Variants in SHQ1 observed in about 807,000 individuals in gnomAD.
The protein encoded by SHQ1 is protein SHQ1 homolog.
SHQ1 carries 49 observed loss-of-function variants against 53.8 expected under a neutral mutation model. The ratio of observed to expected loss-of-function variants is 0.91; its 90% confidence interval spans 0.72 to 1.16. The LOEUF (loss-of-function observed/expected upper bound fraction) is 1.16, where lower values mean the gene tolerates loss of function less well. Ranked by LOEUF, SHQ1 falls within the 50% of genes most tolerant of loss-of-function variation. The pLI is 0.00. For missense variants in SHQ1, 738 were observed against 683.1 expected (o/e 1.08, Z -0.90); for synonymous variants, 243 against 251.0 (o/e 0.97, Z 0.30).
At position 72,824,444 on chromosome 3, in the gene SHQ1, T is replaced by TGTTC. The variant is rs774222315; in HGVS notation, c.703_706dup (p.Gln236ArgfsTer13). ...CTTACCTAATGTAGCATGATTTTCT[T>TGTTC]GTTCCTGACTCTTTTCCAAAAAGGC... is the stretch of plus-strand genomic sequence containing the variant. On this transcript the variant is annotated frameshift_variant, in exon 6 of 11. Coordinates refer to ENST00000325599, the MANE Select transcript of SHQ1 (RefSeq NM_018130.3). LOFTEE classifies it high-confidence loss of function. 7 of 1,611,466 alleles carry TGTTC rather than the reference T, an allele frequency of 4.3e-6. No individual in the cohort carries two copies. The Admixed American group carries it at 6.7e-5, about 15-fold the overall frequency.
At chr3:72,753,295 G>A (rs1293204650) in intron 10 of SHQ1, 1 of 985,420 alleles carries the variant, frequency 1.0e-6, no homozygotes, top group Non-Finnish European at 1.2e-6. Flanking sequence ...AAATTCATTT[G>A]TAAAAGTATA....
At chr3:72,742,880 C>T in the SHQ1 span, among the ~76,000 whole-genome samples, 1 of 152,174 alleles carries the variant, frequency 6.6e-6, no homozygotes, top group Non-Finnish European at 1.5e-5. Flanking sequence ...CTTCGATCCA[C>T]CTGCCTCGGC....
intron 10 of SHQ1, among the ~76,000 whole-genome samples, chr3:72,758,574 T>C (rs914306468): frequency 6.8e-6 from 1 of 147,280 alleles, no homozygotes; most frequent in Non-Finnish European, 1.5e-5. Flanking sequence ...TTTCTTTTTT[T>C]TTTTTTTTTT....
At chr3:72,847,333 C>G (rs6419778) in intron 1 of SHQ1, among the ~76,000 whole-genome samples, 75,729 of 151,904 alleles carry the variant, frequency 0.5, 20,865 homozygotes, top group African/African-American at 0.72. Flanking sequence ...AGCTACACTT[C>G]AGAAAGATTA....
At chr3:72,763,943 A>G (rs753795474) in intron 10 of SHQ1, among the ~76,000 whole-genome samples, 1 of 152,092 alleles carries the variant, frequency 6.6e-6, no homozygotes, top group Non-Finnish European at 1.5e-5. Context: ...AACATCAGTG[A>G]TGAAGATCCT....
chr3:72,749,717 C>T lies in SHQ1; in HGVS notation c.*567G>A, dbSNP rs768615309. The T allele has an allele frequency of 1.6e-4, 35 of 216,176 alleles. No homozygotes were observed. Among genetic ancestry groups the T allele is most frequent in the Non-Finnish European group, 2.6e-4 (28 of 107,578 alleles). 13.4% of individuals were successfully genotyped at this position (216,176 alleles called of 1,614,324 possible). A position where few individuals can be genotyped will look rare whatever the true frequency, so the allele number is the denominator to read the frequency against. On this transcript the variant is annotated 3_prime_UTR_variant, in exon 11 of 11. Coordinates refer to ENST00000325599, the MANE Select transcript of SHQ1 (RefSeq NM_018130.3). ...TGATGGGCTCTACATTCTGGAGACACGGGCAGTAGAACTATTATTTTCAGC... is the reference window on the plus strand; with the variant it reads ...TGATGGGCTCTACATTCTGGAGACATGGGCAGTAGAACTATTATTTTCAGC...
At chr3:72,812,890 G>T in intron 8 of SHQ1, 96 bp from the exon 9 acceptor site, 1 of 1,419,510 alleles carries the variant, frequency 7.0e-7, no homozygotes, top group South Asian at 1.3e-5. Context: ...TTTAAAAGCT[G>T]CAAGTTCGGA....
intron 7 of SHQ1, among the ~76,000 whole-genome samples, chr3:72,815,757 A>G (rs999786896): frequency 1.3e-5 from 2 of 152,178 alleles, no homozygotes; most frequent in Non-Finnish European, 2.9e-5. Context: ...TCCATAAATA[A>G]TCTATCAAAG....
intron 9 of SHQ1, among the ~76,000 whole-genome samples, chr3:72,800,597 C>T (rs1452350019): frequency 2.6e-5 from 4 of 152,204 alleles, no homozygotes; most frequent in Middle Eastern, 3.2e-3. Flanking sequence ...GACTTTTCAT[C>T]TTTCTTCCTT....
the SHQ1 span, among the ~76,000 whole-genome samples, chr3:72,736,789 T>C: frequency 3.7e-5 from 1 of 26,732 alleles, no homozygotes; most frequent in Non-Finnish European, 1.0e-4. Flanking sequence ...TGAGACTCCG[T>C]TTCAAAAAAA....
intron 9 of SHQ1, among the ~76,000 whole-genome samples, chr3:72,802,845 C>A (rs1443528553): frequency 1.3e-5 from 2 of 152,196 alleles, no homozygotes; most frequent in African/African-American, 4.8e-5. Flanking sequence ...TGACCAGGCT[C>A]TGGCTGACAA....
chr3:72,755,556 T>TA (rs1705482071), intron 10 of SHQ1, among the ~76,000 whole-genome samples: 1 of 152,202 alleles, frequency 6.6e-6, no homozygotes, highest in African/African-American at 2.4e-5. Context: ...TCTGAGGAAT[T>TA]AAAGTTGGGT....
intron 10 of SHQ1, among the ~76,000 whole-genome samples, chr3:72,785,718 C>T (rs1041628208): frequency 3.3e-5 from 5 of 152,218 alleles, no homozygotes; most frequent in Non-Finnish European, 5.9e-5. Context: ...CATACATGTT[C>T]TCCTTGTCTA....
At chr3:72,838,656 C>A (rs932654498) in intron 4 of SHQ1, among the ~76,000 whole-genome samples, 2 of 152,142 alleles carry the variant, frequency 1.3e-5, no homozygotes, top group Non-Finnish European at 2.9e-5. Flanking sequence ...TGCGCCACCA[C>A]GCTCAGCTAA....
At chr3:72,778,275 C>G (rs1026734321) in intron 10 of SHQ1, among the ~76,000 whole-genome samples, 2 of 151,910 alleles carry the variant, frequency 1.3e-5, no homozygotes, top group Non-Finnish European at 2.9e-5. Context: ...CCTGGGGTAA[C>G]AAAGCAAGAC....
chr3:72,784,716 C>T (rs1245090882), intron 10 of SHQ1, among the ~76,000 whole-genome samples: 1 of 152,194 alleles, frequency 6.6e-6, no homozygotes, highest in African/African-American at 2.4e-5. Flanking sequence ...CACCATTTGT[C>T]AGAAGTAACT....
chr3:72,807,438 T>C (rs1224084581), intron 9 of SHQ1, among the ~76,000 whole-genome samples: 1 of 152,112 alleles, frequency 6.6e-6, no homozygotes, highest in Non-Finnish European at 1.5e-5. Flanking sequence ...ATTTAAAGAG[T>C]AAAAATTAAA....
intron 2 of SHQ1, among the ~76,000 whole-genome samples, chr3:72,843,431 G>A (rs1282910448): frequency 6.6e-6 from 1 of 152,092 alleles, no homozygotes; most frequent in Non-Finnish European, 1.5e-5. Context: ...TTCTTTCCTT[G>A]ACTGAGTTTA....
intron 10 of SHQ1, among the ~76,000 whole-genome samples, chr3:72,773,941 T>C (rs1057195980): frequency 4.6e-5 from 7 of 152,228 alleles, no homozygotes; most frequent in African/African-American, 1.7e-4. Context: ...TTTTTGTAGT[T>C]AGGTTTGAAT....
Sources: allele counts gnomAD v4.1 joint callset (sites outside exome capture counted in the v4.1 genomes callset), GRCh38; gene constraint gnomAD v4.1.1; transcripts MANE v1.5; gene names NCBI Gene and HGNC (gene_info 2026-07-23, HGNC 2026-07-21).